The following DOCK1 variants were observed in gnomAD, a reference collection of about 807,000 sequenced individuals.
DOCK1 encodes dedicator of cytokinesis protein 1.
Under a neutral mutation model 262.7 loss-of-function variants are expected in DOCK1, and 138 were observed. That is an observed-to-expected ratio of 0.53 (90% confidence interval 0.46 to 0.61). DOCK1 has a LOEUF of 0.61. DOCK1 is among the 20% of genes least tolerant of loss of function. DOCK1 has a pLI of 0.00. For synonymous variants in DOCK1, 866 were observed against 867.4 expected (o/e 1.00, Z 0.03); for missense variants, 1,908 against 2,370.7 (o/e 0.80, Z 4.05).
chr10:127,198,026 C>G (rs1310690523), intron 27 of DOCK1, among the ~76,000 whole-genome samples: 2 of 152,114 alleles, frequency 1.3e-5, no homozygotes, highest in East Asian at 1.9e-4. Context: ...CCAAACTCTG[C>G]CCACCTCACT....
intron 49 of DOCK1, among the ~76,000 whole-genome samples, chr10:127,441,291 G>A (rs926481079): frequency 6.6e-6 from 1 of 152,150 alleles, no homozygotes; most frequent in Admixed American, 6.5e-5. Flanking sequence ...GCAGGGCTAG[G>A]GGCAGCCCCA....
intron 27 of DOCK1, among the ~76,000 whole-genome samples, chr10:127,196,760 TGCCGCCGGCTGCC>T (rs2134185992): frequency 6.6e-6 from 1 of 151,888 alleles, no homozygotes; most frequent in East Asian, 2.0e-4. Context: ...TGCCGCCGGC[TGCCGCCGGCTGCC>T]GCCTGCGCGC....
chr10:127,318,819 C>A (rs1358955111), intron 29 of DOCK1, among the ~76,000 whole-genome samples: 2 of 152,136 alleles, frequency 1.3e-5, no homozygotes, highest in Admixed American at 1.3e-4. Context: ...CTGGGCCCTG[C>A]AATGTCAGAG....
At chr10:126,959,595 G>A (rs910475449) in intron 1 of DOCK1, among the ~76,000 whole-genome samples, 2 of 152,198 alleles carry the variant, frequency 1.3e-5, no homozygotes, top group Non-Finnish European at 2.9e-5. Context: ...CCCCAGGTGG[G>A]CCCTGGATCA....
At chr10:126,912,272 TA>T (rs1454566877) in intron 1 of DOCK1, among the ~76,000 whole-genome samples, 1 of 151,572 alleles carries the variant, frequency 6.6e-6, no homozygotes, top group East Asian at 1.9e-4. Flanking sequence ...CTAGTAAAAA[TA>T]CAAAAAATTA....
intron 47 of DOCK1, among the ~76,000 whole-genome samples, chr10:127,429,373 T>C (rs1273235648): frequency 6.6e-6 from 1 of 152,088 alleles, no homozygotes; most frequent in East Asian, 1.9e-4. Context: ...CCCCTTGTCC[T>C]TCCCTGAGAA....
chr10:127,295,618 T>G (rs569036518), intron 29 of DOCK1, among the ~76,000 whole-genome samples: 36 of 152,130 alleles, frequency 2.4e-4, no homozygotes, highest in African/African-American at 8.7e-4. Context: ...CCCAGGAATT[T>G]GAGGTTACAG....
At chr10:127,308,471 G>A (rs1383973623) in intron 29 of DOCK1, among the ~76,000 whole-genome samples, 3 of 152,170 alleles carry the variant, frequency 2.0e-5, no homozygotes, top group Admixed American at 2.0e-4. Context: ...AGAAGGTGCA[G>A]GTTTGTTACA....
chr10:127,410,076 C>T (rs944479799), intron 42 of DOCK1, among the ~76,000 whole-genome samples: 1 of 152,172 alleles, frequency 6.6e-6, no homozygotes, highest in South Asian at 2.1e-4. Context: ...TCTTTGATGA[C>T]CTCATATTCC....
chr10:127,275,318 A>G (rs938488232), intron 29 of DOCK1, among the ~76,000 whole-genome samples: 2 of 152,092 alleles, frequency 1.3e-5, no homozygotes, highest in African/African-American at 2.4e-5. Context: ...AGAAATTAAC[A>G]GAGAAGTAAC....
chr10:127,031,968 C>T (rs985616227), intron 17 of DOCK1, among the ~76,000 whole-genome samples, 169 bp from the exon 18 acceptor site: 1 of 152,010 alleles, frequency 6.6e-6, no homozygotes. Context: ...CTAAAAATGC[C>T]GTGAACATGA....
intron 29 of DOCK1, among the ~76,000 whole-genome samples, chr10:127,331,547 G>A (rs1456403086): frequency 6.6e-6 from 1 of 152,176 alleles, no homozygotes; most frequent in Non-Finnish European, 1.5e-5. Flanking sequence ...CTCCCAAAGT[G>A]CTGGGATTAC....
At chr10:127,020,357 T>G (rs2042324110) in intron 13 of DOCK1, among the ~76,000 whole-genome samples, 1 of 152,158 alleles carries the variant, frequency 6.6e-6, no homozygotes, top group South Asian at 2.1e-4. Flanking sequence ...AAGCTTCCAG[T>G]TCATGCCAAT....
At chr10:126,937,987 G>T (rs2034668962) in intron 1 of DOCK1, among the ~76,000 whole-genome samples, 1 of 151,532 alleles carries the variant, frequency 6.6e-6, no homozygotes, top group South Asian at 2.1e-4. Flanking sequence ...TAGCTCTTGT[G>T]CTTAGGCCTT....
At chr10:127,434,438 A>T (rs979896282) in intron 48 of DOCK1, among the ~76,000 whole-genome samples, 1 of 152,098 alleles carries the variant, frequency 6.6e-6, no homozygotes, top group Non-Finnish European at 1.5e-5. Context: ...AGCTCAAGCG[A>T]TCATAACCAT....
At chr10:127,398,103 T>G (rs2067020767) in intron 38 of DOCK1, among the ~76,000 whole-genome samples, 1 of 152,188 alleles carries the variant, frequency 6.6e-6, no homozygotes, top group Non-Finnish European at 1.5e-5. Flanking sequence ...TTGGCATCAT[T>G]ACTGCAAGAT....
At chr10:127,230,772 TG>T (rs1454798121) in intron 27 of DOCK1, among the ~76,000 whole-genome samples, 1 of 143,878 alleles carries the variant, frequency 7.0e-6, no homozygotes, top group Admixed American at 6.9e-5. Flanking sequence ...TTTTGTTTTT[TG>T]TTTTTTTGTT....
At chr10:127,360,233 T>C (rs1041399789) in intron 32 of DOCK1, among the ~76,000 whole-genome samples, 1 of 152,208 alleles carries the variant, frequency 6.6e-6, no homozygotes, top group Non-Finnish European at 1.5e-5. Flanking sequence ...CCCATCTCTC[T>C]GAACTTGCCT....
At chr10:127,258,962 C>G (rs1427149585) in intron 29 of DOCK1, among the ~76,000 whole-genome samples, 1 of 152,176 alleles carries the variant, frequency 6.6e-6, no homozygotes, top group Admixed American at 6.5e-5. Flanking sequence ...GGTTTTTCTG[C>G]TTTCTGGGGC....
Sources: gnomAD v4.1 joint callset for allele counts (sites outside exome capture counted in the v4.1 genomes callset) on GRCh38, gnomAD v4.1.1 for gene constraint, MANE v1.5 for transcripts, NCBI Gene and HGNC (gene_info 2026-07-23, HGNC 2026-07-21) for gene names.